The following TSNAXIP1 variants were observed in gnomAD, a reference collection of about 807,000 sequenced individuals.
TSNAXIP1 encodes translin-associated factor X-interacting protein 1.
In TSNAXIP1, 89 loss-of-function variants were observed where a neutral mutation model predicts 84.8. The ratio of observed to expected loss-of-function variants is 1.05; its 90% CI spans 0.88 to 1.25. TSNAXIP1 has a LOEUF of 1.25. Among genes scored for constraint, TSNAXIP1 ranks in the 50% most tolerant of loss-of-function variants. TSNAXIP1 has a pLI of 0.00. For missense variants in TSNAXIP1, 874 were observed against 887.6 expected, an observed-to-expected ratio of 0.98 and a Z score of 0.20; for synonymous variants, 347 against 335.2, an observed-to-expected ratio of 1.04 and a Z score of -0.39.
chr16:67,807,121 G>A lies in TSNAXIP1; in HGVS notation c.-29G>A. ...CGCTACCACAGCTTCCCAGGCCGCG[G>A]GTGCTGATTGCCCGCCTGCCCGTGG... On this transcript the variant is annotated 5_prime_UTR_variant, in exon 1 of 16. Coordinates refer to ENST00000561639, the MANE Select transcript of TSNAXIP1 (RefSeq NM_001288990.3). 1 of 1,533,676 alleles carries A rather than the reference G, an allele frequency of 6.5e-7. No homozygotes were observed. The highest frequency in any genetic ancestry group is 8.7e-7 in the Non-Finnish European group (1 of 1,146,174).
intron 11 of TSNAXIP1, 29 bp from the exon 12 acceptor site, chr16:67,826,661 ACT>A: frequency 6.2e-7 from 1 of 1,611,852 alleles, no homozygotes; most frequent in Non-Finnish European, 8.5e-7. Flanking sequence ...CAACCGTAAG[ACT>A]CTGACTGAGC....
At chr16:67,819,254 T>C (rs1321495149) in intron 2 of TSNAXIP1, among the ~76,000 whole-genome samples, 1 of 151,714 alleles carries the variant, frequency 6.6e-6, no homozygotes, top group Non-Finnish European at 1.5e-5. Flanking sequence ...CTTTTTTTTT[T>C]TTTTTTGAGA....
chr16:67,826,816 G>C lies in TSNAXIP1; in HGVS notation c.1526G>C (p.Ser509Thr). The C allele has an allele frequency of 6.2e-7, 1 of 1,613,836 alleles. No individual in the cohort carries two copies. The highest frequency in any genetic ancestry group is 2.2e-5 in the East Asian group (1 of 44,882). ...IKIFHSNEVM[S>T]QFYAVLMGKR... ...ATCTTCCACTCCAACGAGGTTATGA[G>C]TCAGTTCTATGCAGTCTTGATGGGA... The change falls in exon 12 of 16, where the codon AGT becomes ACT. Residue 509 changes from serine to threonine, a missense_variant. Coordinates refer to ENST00000561639, the MANE Select transcript of TSNAXIP1 (RefSeq NM_001288990.3).
At chr16:67,809,365 G>A (rs1271137032) in intron 1 of TSNAXIP1, among the ~76,000 whole-genome samples, 1 of 150,190 alleles carries the variant, frequency 6.7e-6, no homozygotes, top group Non-Finnish European at 1.5e-5. Context: ...CTACTCGGGA[G>A]GCTGAGGCAG....
At chr16:67,807,592 G>C (rs147433176) in intron 1 of TSNAXIP1, 3,788 of 350,450 alleles carry the variant, frequency 0.011, 41 homozygotes, top group Non-Finnish European at 0.015. Flanking sequence ...AGCCTCCCGA[G>C]TAGCTGGGAC....
chr16:67,827,811 C>T lies in TSNAXIP1; in HGVS notation c.1957C>T (p.Leu653=). Residue 653 remains leucine (L), a synonymous_variant, in exon 16 of 16, where the codon CTG becomes TTG. Coordinates refer to ENST00000561639, the MANE Select transcript of TSNAXIP1 (RefSeq NM_001288990.3). ...RGGLMTIDPS[L]DKQTVNTYMS... ...GGGCCTGATGACCATCGACCCCAGC[C>T]TGGACAAGCAGACAGTGAACACCTA... 6.2e-7 allele frequency: 1 copy of T among 1,614,186 alleles called. No homozygotes were observed.
chr16:67,822,336 CAA>C (rs2057129050), intron 4 of TSNAXIP1, among the ~76,000 whole-genome samples: 1 of 151,714 alleles, frequency 6.6e-6, no homozygotes, highest in Admixed American at 6.6e-5. Flanking sequence ...AATGTGGATC[CAA>C]AAGTCTCCTG....
intron 7 of TSNAXIP1, 97 bp downstream of exon 7, chr16:67,825,369 C>T (rs1328460516): frequency 2.0e-6 from 3 of 1,510,682 alleles, no homozygotes; most frequent in East Asian, 2.3e-5. Context: ...TTCCTAAGAC[C>T]TGCTCATTCC....
At chr16:67,821,266 G>GGGGA in intron 4 of TSNAXIP1, 41 bp downstream of exon 4, 1 of 1,447,906 alleles carries the variant, frequency 6.9e-7, no homozygotes, top group Non-Finnish European at 9.4e-7. Context: ...CGGGGGAAGG[G>GGGGA]TGGGAAGAAG....
chr16:67,821,646 C>A (rs997775448), intron 4 of TSNAXIP1, among the ~76,000 whole-genome samples: 1 of 152,152 alleles, frequency 6.6e-6, no homozygotes, highest in African/African-American at 2.4e-5. Flanking sequence ...CCACCTCTCC[C>A]AGCTCTCCTG....
chr16:67,818,460 T>C (rs1164357849), intron 2 of TSNAXIP1, among the ~76,000 whole-genome samples: 1 of 152,000 alleles, frequency 6.6e-6, no homozygotes, highest in East Asian at 1.9e-4. Context: ...GTAGTTACTG[T>C]GAGGTGTTAT....
chr16:67,825,383 A>G, intron 7 of TSNAXIP1, 111 bp downstream of exon 7: 3 of 1,454,922 alleles, frequency 2.1e-6, no homozygotes, highest in Non-Finnish European at 2.8e-6. Flanking sequence ...TCATTCCATA[A>G]CCATTCAGAG....
At chr16:67,826,632 G>T in intron 11 of TSNAXIP1, 60 bp from the exon 12 acceptor site, 1 of 1,611,476 alleles carries the variant, frequency 6.2e-7, no homozygotes, top group South Asian at 1.1e-5. Context: ...GTCCAGAGGT[G>T]ACAGGGATGA....
intron 1 of TSNAXIP1, among the ~76,000 whole-genome samples, chr16:67,808,710 A>T (rs919092976): frequency 9.2e-5 from 14 of 152,130 alleles, no homozygotes; most frequent in South Asian, 2.1e-4. Flanking sequence ...ACGCCACTGC[A>T]CTCTAGCCTG....
Position 67,826,519 on chromosome 16 carries a change from A to T in TSNAXIP1, c.1358A>T (p.Asn453Ile), listed in dbSNP as rs770070970. Residue 453 changes from asparagine (N) to isoleucine (I), a missense_variant, in exon 11 of 16, where the codon AAC becomes ATC. By Grantham distance (149) the Asn-to-Ile change is moderately radical. Coordinates refer to ENST00000561639, the MANE Select transcript of TSNAXIP1 (RefSeq NM_001288990.3). ...NKKPSKKDVV[N>I]LLKDAWKERL... Reference sequence around the variant, plus strand: ...AAGCCAAGCAAGAAGGACGTGGTCAACCTCCTCAAGGATGCCTGGAAGGAA... The same window carrying T: ...AAGCCAAGCAAGAAGGACGTGGTCATCCTCCTCAAGGATGCCTGGAAGGAA... 2.5e-6 allele frequency: 4 copies of T among 1,614,034 alleles called. No individual in the cohort carries two copies. The Admixed American group carries it at 6.7e-5, about 27-fold the overall frequency.
intron 14 of TSNAXIP1, 40 bp from the exon 15 acceptor site, chr16:67,827,433 T>C: frequency 6.2e-7 from 1 of 1,614,040 alleles, no homozygotes; most frequent in Non-Finnish European, 8.5e-7. Flanking sequence ...GGCTGGACCC[T>C]ACCCAATGTG....
chr16:67,825,677 G>A lies in TSNAXIP1; in HGVS notation c.825G>A (p.Gly275=). 6.2e-7 allele frequency: 1 copy of A among 1,612,206 alleles called. No homozygotes were observed. The highest frequency in any genetic ancestry group is 2.2e-5 in the East Asian group (1 of 44,846). ...MSLAQSPGIW[G]EDPVKLTLAL... ...CCCTTCCCCTGGCAGGCATCTGGGG[G>A]GAGGACCCTGTGAAGTTAACCCTGG... is the stretch of plus-strand genomic sequence containing the variant. Residue 275 remains glycine, a synonymous_variant, in exon 8 of 16, where the codon GGG becomes GGA. Transcript: ENST00000561639.
chr16:67,825,292 CG>C lies in TSNAXIP1; in HGVS notation c.814+23del. On this transcript the variant is annotated intron_variant, in intron 7 of 15. Transcript: ENST00000561639. ...CGCCAGGTAAGCCTGAATTGGGAAT[CG>C]GGTTTCTCTCTTCTCTGAGACGCTG... 3 of 1,613,240 alleles carry C rather than the reference CG, an allele frequency of 1.9e-6. No homozygotes were observed. Among genetic ancestry groups the C allele is most frequent in the Non-Finnish European group, 2.5e-6 (3 of 1,179,580 alleles).
At chr16:67,819,142 T>A (rs2056829371) in intron 2 of TSNAXIP1, among the ~76,000 whole-genome samples, 1 of 151,890 alleles carries the variant, frequency 6.6e-6, no homozygotes, top group Admixed American at 6.6e-5. Flanking sequence ...TGTACTGCAC[T>A]CCAGCTTGGG....
Sources: gnomAD v4.1 joint callset for allele counts (sites outside exome capture counted in the v4.1 genomes callset) on GRCh38, gnomAD v4.1.1 for gene constraint, MANE v1.5 for transcripts, NCBI Gene and HGNC (gene_info 2026-07-23, HGNC 2026-07-21) for gene names.